RAI14: variants seen among roughly 807,000 people sequenced by gnomAD.
The protein encoded by RAI14 is retinoic acid induced 14, also known as ankycorbin.
A neutral mutation model predicts 115.4 loss-of-function variants in RAI14; 45 were observed. That is an observed-to-expected ratio of 0.39 (90% CI 0.31 to 0.50). The LOEUF (loss-of-function observed/expected upper bound fraction) is 0.50. RAI14 is among the 20% of genes least tolerant of loss of function. RAI14 has a pLI of 0.85. For synonymous variants in RAI14, 371 were observed against 415.4 expected (o/e 0.89, Z 1.30); for missense variants, 939 against 1,131.2 (o/e 0.83, Z 2.44).
chr5:34,759,988 G>A (rs1280806509), intron 3 of RAI14, among the ~76,000 whole-genome samples: 13 of 152,098 alleles, frequency 8.5e-5, no homozygotes, highest in East Asian at 3.9e-4. Context: ...TTCTGCGTTC[G>A]AATCACCTGG....
intron 2 of RAI14, among the ~76,000 whole-genome samples, chr5:34,702,445 C>T (rs1436952123): frequency 1.3e-5 from 2 of 152,192 alleles, no homozygotes; most frequent in Admixed American, 6.5e-5. Context: ...GAGCCCCTCA[C>T]GCCAGCCTGG....
chr5:34,810,810 A>G lies in RAI14; in HGVS notation c.451-202A>G, dbSNP rs542775867. Among the ~76,000 whole-genome samples, 5 of 152,210 alleles carry G rather than the reference A, an allele frequency of 3.3e-5. 1 individual carries two copies. The South Asian group carries it at 6.2e-4, about 19-fold the overall frequency. On this transcript the variant is annotated intron_variant, in intron 7 of 17. Coordinates refer to ENST00000265109, the MANE Select transcript of RAI14 (RefSeq NM_015577.3). ...CTGGAGCTCCTATGTAAAAGCTAGC[A>G]TTCAGTAAAATTCCATAACAAGAGT... is the stretch of plus-strand genomic sequence containing the variant.
At chr5:34,666,770 AG>A (rs1336927480) in intron 1 of RAI14, among the ~76,000 whole-genome samples, 1 of 152,190 alleles carries the variant, frequency 6.6e-6, no homozygotes, top group Non-Finnish European at 1.5e-5. Flanking sequence ...TCTCTGCCAT[AG>A]GCACTTTGCT....
At chr5:34,774,929 A>C (rs1026938562) in intron 3 of RAI14, among the ~76,000 whole-genome samples, 2 of 152,174 alleles carry the variant, frequency 1.3e-5, no homozygotes, top group Non-Finnish European at 2.9e-5. Context: ...TACACAGACC[A>C]ATAGAGCGGA....
intron 8 of RAI14, among the ~76,000 whole-genome samples, chr5:34,811,426 G>T (rs778748269): frequency 1.3e-5 from 2 of 151,974 alleles, no homozygotes; most frequent in Admixed American, 6.6e-5. Context: ...TTGGAGAAAT[G>T]GTCTTAGAAA....
At position 34,831,147 on chromosome 5, in the gene RAI14, G is replaced by A. The variant is rs3184744; in HGVS notation, c.*382G>A. The A allele has an allele frequency of 0.28, 50,270 of 181,944 alleles. 8,098 individuals are homozygous for A. The highest frequency in any genetic ancestry group is 0.42 in the South Asian group (3,041 of 7,298). The allele number at this position is 181,944 out of a possible 1,614,324, so 11.3% of individuals were successfully genotyped here. ...GAATGCTCCTTCCATTCCTGTACTC[G>A]GGCAGTGCCATTCAGCACAGGAGAG... On this transcript the variant is annotated 3_prime_UTR_variant, in exon 18 of 18. Coordinates refer to ENST00000265109, the MANE Select transcript of RAI14 (RefSeq NM_015577.3).
intron 13 of RAI14, among the ~76,000 whole-genome samples, chr5:34,819,612 A>G (rs1491003911): frequency 6.6e-6 from 1 of 152,198 alleles, no homozygotes; most frequent in Non-Finnish European, 1.5e-5. Flanking sequence ...ACCCTTTAAG[A>G]ATGTAATATA....
At chr5:34,687,595 TA>T in intron 2 of RAI14, 1 of 1,515,066 alleles carries the variant, frequency 6.6e-7, no homozygotes, top group East Asian at 2.5e-5. Context: ...TACACGATAA[TA>T]TTTTTTTAAA....
chr5:34,687,953 G>A lies in RAI14; in HGVS notation c.36+998G>A, dbSNP rs558076827. 3.1e-5 allele frequency: 32 copies of A among 1,041,660 alleles called. 1 individual carries two copies. In the South Asian group the frequency reaches 4.2e-4, roughly 14 times the overall value. 64.5% of individuals were successfully genotyped at this position (1,041,660 alleles called of 1,614,324 possible). A position where few individuals can be genotyped will look rare whatever the true frequency, so the allele number is the denominator to read the frequency against. ...ATCATGACATGTAACTTACTGCCCT[G>A]ATAAAACCCAGGCTAGATGAGATGC... On this transcript the variant is annotated intron_variant, in intron 2 of 17. Transcript: ENST00000265109.
At chr5:34,702,681 A>G (rs990062032) in intron 2 of RAI14, among the ~76,000 whole-genome samples, 2 of 152,288 alleles carry the variant, frequency 1.3e-5, no homozygotes, top group Non-Finnish European at 1.5e-5. Context: ...TTTTGGACAC[A>G]CTTAAGGAAA....
At chr5:34,722,741 G>A (rs1742934970) in intron 2 of RAI14, among the ~76,000 whole-genome samples, 1 of 151,184 alleles carries the variant, frequency 6.6e-6, no homozygotes, top group Non-Finnish European at 1.5e-5. Flanking sequence ...AGCTACTTGG[G>A]GGGCTGAGGC....
chr5:34,727,043 A>G (rs1180312370), intron 2 of RAI14, among the ~76,000 whole-genome samples: 4 of 152,218 alleles, frequency 2.6e-5, no homozygotes, highest in Admixed American at 2.0e-4. Flanking sequence ...TCAGAAGAAG[A>G]CAGGAAGATG....
intron 14 of RAI14, among the ~76,000 whole-genome samples, chr5:34,822,664 C>CTTTTTCTTTTTTTTTT (rs1756991248): frequency 2.1e-5 from 1 of 47,534 alleles, no homozygotes; most frequent in African/African-American, 6.6e-5. Flanking sequence ...CCTTTGGTAT[C>CTTTTTCTTTTTTTTTT]TTTTTTTTTT....
rs749092111 is a variant in RAI14 at position 34,811,753 on chromosome 5, C to CT, written c.558-8dup. 25 of 1,597,468 alleles carry CT rather than the reference C, an allele frequency of 1.6e-5. No individual in the cohort carries two copies. The South Asian group carries it at 2.5e-4, about 16-fold the overall frequency. ...TTCTCTTAGTACTAATTTTGTGTCT[C>CT]TTTTTTCCTTTAGAACTGCTCTCAT... is the stretch of plus-strand genomic sequence containing the variant. On this transcript the variant is annotated splice_polypyrimidine_tract_variant and intron_variant, in intron 8 of 17. Coordinates refer to ENST00000265109, the MANE Select transcript of RAI14 (RefSeq NM_015577.3).
At chr5:34,770,014 C>T (rs965402056) in intron 3 of RAI14, among the ~76,000 whole-genome samples, 12 of 152,062 alleles carry the variant, frequency 7.9e-5, no homozygotes, top group African/African-American at 2.9e-4. Flanking sequence ...CAGGGATGAG[C>T]CACTGCGCTC....
chr5:34,786,330 C>T (rs1045311292), intron 3 of RAI14, among the ~76,000 whole-genome samples: 5 of 152,134 alleles, frequency 3.3e-5, no homozygotes, highest in African/African-American at 1.2e-4. Context: ...AGGTGCTGCT[C>T]GAACAGTCAC....
At chr5:34,687,725 A>T in intron 2 of RAI14, 1 of 1,551,500 alleles carries the variant, frequency 6.4e-7, no homozygotes, top group Non-Finnish European at 8.7e-7. Context: ...AAGCCAAGGT[A>T]TGTCACTCTC....
chr5:34,672,552 A>G (rs960905232), intron 1 of RAI14, among the ~76,000 whole-genome samples: 39 of 152,266 alleles, frequency 2.6e-4, no homozygotes, highest in African/African-American at 8.7e-4. Flanking sequence ...AGGCAGGAGG[A>G]TCTAGCTGCC....
At chr5:34,820,299 G>A (rs965717310) in intron 13 of RAI14, among the ~76,000 whole-genome samples, 8 of 152,220 alleles carry the variant, frequency 5.3e-5, no homozygotes, top group African/African-American at 1.7e-4. Flanking sequence ...AGGAGTTTGA[G>A]CTGGGTGTGG....
Sources: gnomAD v4.1 joint callset for allele counts (sites outside exome capture counted in the v4.1 genomes callset) on GRCh38, gnomAD v4.1.1 for gene constraint, MANE v1.5 for transcripts, NCBI Gene and HGNC (gene_info 2026-07-23, HGNC 2026-07-21) for gene names.